NFATC3: variants seen among roughly 807,000 people sequenced by gnomAD.
NFATC3 encodes nuclear factor of activated T cells 3, also known as nuclear factor of activated T-cells, cytoplasmic 3.
In NFATC3, 46 loss-of-function variants were observed where a neutral mutation model predicts 98.6. The observed-to-expected ratio is 0.47, with a 90% CI of 0.37 to 0.60. NFATC3 has a LOEUF of 0.60. Among genes scored for constraint, NFATC3 ranks in the 20% least tolerant of loss-of-function variants. The pLI, the probability that NFATC3 is intolerant of heterozygous loss-of-function variation, is 0.00. For missense variants in NFATC3, 1,256 were observed against 1,295.5 expected (o/e 0.97, Z 0.47); for synonymous variants, 512 against 472.2 (o/e 1.08, Z -1.09).
chr16:68,226,057 A>G, intron 9 of NFATC3: 1 of 234,150 alleles, frequency 4.3e-6, no homozygotes, highest in South Asian at 1.4e-4. Flanking sequence ...GATATGAATT[A>G]AAGAAAAGTT....
At chr16:68,106,902 C>T (rs921926051) in intron 1 of NFATC3, among the ~76,000 whole-genome samples, 2 of 152,050 alleles carry the variant, frequency 1.3e-5, no homozygotes, top group African/African-American at 4.8e-5. Flanking sequence ...TCCTGATGCT[C>T]TCCCTCTCTC....
intron 5 of NFATC3, among the ~76,000 whole-genome samples, chr16:68,167,290 T>C (rs1023351867): frequency 1.3e-5 from 2 of 152,146 alleles, no homozygotes; most frequent in Non-Finnish European, 2.9e-5. Context: ...TAAATGAGAA[T>C]GGGGGGCCTG....
chr16:68,113,849 G>A (rs1567503866), intron 1 of NFATC3, among the ~76,000 whole-genome samples: 1 of 152,244 alleles, frequency 6.6e-6, no homozygotes, highest in Non-Finnish European at 1.5e-5. Context: ...AAACAATCTG[G>A]CCACGATCTG....
intron 9 of NFATC3, 119 bp from the exon 10 acceptor site, chr16:68,226,231 G>A (rs1164771236): frequency 8.0e-7 from 1 of 1,251,282 alleles, no homozygotes; most frequent in Non-Finnish European, 1.1e-6. Flanking sequence ...TTCAGACACT[G>A]CCTTTATCTT....
chr16:68,157,263 T>A (rs1279971044), intron 3 of NFATC3, among the ~76,000 whole-genome samples: 7 of 152,192 alleles, frequency 4.6e-5, no homozygotes, highest in Non-Finnish European at 7.3e-5. Context: ...TCCCGAAGAT[T>A]GTTGAAATTG....
intron 9 of NFATC3, among the ~76,000 whole-genome samples, chr16:68,205,609 A>G (rs2041115383): frequency 6.6e-6 from 1 of 152,212 alleles, no homozygotes; most frequent in Non-Finnish European, 1.5e-5. Context: ...AGTTAAAAAA[A>G]ATCTGTCTTC....
chr16:68,203,467 A>T (rs995870435), intron 9 of NFATC3, among the ~76,000 whole-genome samples: 1 of 151,988 alleles, frequency 6.6e-6, no homozygotes, highest in Admixed American at 6.6e-5. Flanking sequence ...CCCTGTCTCT[A>T]TAAAAAATAC....
At chr16:68,090,257 A>G (rs943735423) in intron 1 of NFATC3, among the ~76,000 whole-genome samples, 2 of 150,820 alleles carry the variant, frequency 1.3e-5, no homozygotes, top group Admixed American at 1.3e-4. Flanking sequence ...TCCTGGTCCT[A>G]TTTAAGTGGT....
chr16:68,110,068 G>A (rs765281276), intron 1 of NFATC3, among the ~76,000 whole-genome samples: 12 of 151,936 alleles, frequency 7.9e-5, no homozygotes, highest in Non-Finnish European at 1.3e-4. Flanking sequence ...GCAGTGATAC[G>A]ATCTTGGCTC....
chr16:68,133,029 G>A (rs936331178), intron 3 of NFATC3, among the ~76,000 whole-genome samples: 1 of 152,176 alleles, frequency 6.6e-6, no homozygotes, highest in Non-Finnish European at 1.5e-5. Context: ...ACTTTGGGAG[G>A]CTGAGGCAGG....
At chr16:68,146,726 C>T (rs1192411187) in intron 3 of NFATC3, among the ~76,000 whole-genome samples, 1 of 152,238 alleles carries the variant, frequency 6.6e-6, no homozygotes, top group East Asian at 1.9e-4. Context: ...TAGTGACCTT[C>T]AGGCTTTAAC....
chr16:68,122,911 C>T lies in NFATC3; in HGVS notation c.1028C>T (p.Thr343Ile), dbSNP rs773430942. ...GACATCCCTCTCAAAACAAGGAAAA[C>T]TTCTGAAGATCAAGCTGCCATACTA... ...ETDIPLKTRK[T>I]SEDQAAILPG... Residue 343 changes from threonine to isoleucine, a missense_variant, in exon 2 of 10, where the codon ACT becomes ATT. Thr to Ile is a moderately conservative substitution (Grantham distance 89, BLOSUM62 -1). This residue lies in a region of NFATC3 where 464 missense variants were observed against 465.7 expected (regional missense o/e 1.00). Coordinates refer to ENST00000346183, the MANE Select transcript of NFATC3 (RefSeq NM_173165.3). The T allele has an allele frequency of 7.7e-5, 124 of 1,614,098 alleles. No homozygotes were observed. Among genetic ancestry groups the T allele is most frequent in the Non-Finnish European group, 1.0e-4 (118 of 1,180,046 alleles).
chr16:68,195,288 G>C (rs2040615915), intron 9 of NFATC3, among the ~76,000 whole-genome samples: 1 of 152,108 alleles, frequency 6.6e-6, no homozygotes, highest in African/African-American at 2.4e-5. Flanking sequence ...TTCCTAGATT[G>C]TAGCCCCCCA....
intron 6 of NFATC3, among the ~76,000 whole-genome samples, chr16:68,177,162 C>T (rs1036588364): frequency 3.3e-5 from 5 of 151,906 alleles, no homozygotes; most frequent in African/African-American, 1.2e-4. Flanking sequence ...ATTCTCCTGC[C>T]TCAGTCTCCC....
chr16:68,182,525 T>C (rs1446311018), intron 7 of NFATC3, among the ~76,000 whole-genome samples: 1 of 151,402 alleles, frequency 6.6e-6, no homozygotes, highest in Non-Finnish European at 1.5e-5. Context: ...TTTTAATTTT[T>C]ATTTATTTAT....
At chr16:68,175,534 C>T (rs2039650773) in intron 6 of NFATC3, among the ~76,000 whole-genome samples, 1 of 151,966 alleles carries the variant, frequency 6.6e-6, no homozygotes, top group Non-Finnish European at 1.5e-5. Flanking sequence ...TGTTTCCTCT[C>T]AGTTTTAAAA....
chr16:68,129,879 G>C (rs2037031880), intron 3 of NFATC3, among the ~76,000 whole-genome samples: 2 of 151,750 alleles, frequency 1.3e-5, no homozygotes, highest in Non-Finnish European at 2.9e-5. Context: ...GTCTTGATTT[G>C]TTGCCCGGGC....
intron 9 of NFATC3, among the ~76,000 whole-genome samples, chr16:68,210,158 C>T (rs2041318656): frequency 6.6e-6 from 1 of 152,024 alleles, no homozygotes; most frequent in South Asian, 2.1e-4. Context: ...ATTAGCTGGG[C>T]ATGGTGGCGG....
At chr16:68,088,768 A>G (rs1207987717) in intron 1 of NFATC3, 1 of 158,800 alleles carries the variant, frequency 6.3e-6, no homozygotes, top group Non-Finnish European at 1.3e-5. Context: ...TCCTGACCTC[A>G]AGGGATCCTC....
Sources: gnomAD v4.1 joint callset for allele counts (sites outside exome capture counted in the v4.1 genomes callset) on GRCh38, gnomAD v4.1.1 for gene constraint, gnomAD v4.1.1 regional missense constraint, MANE v1.5 for transcripts, NCBI Gene and HGNC (gene_info 2026-07-23, HGNC 2026-07-21) for gene names.